Variants in PXK observed in about 807,000 individuals in gnomAD.
PXK encodes the protein PX domain-containing protein kinase-like protein.
A neutral mutation model predicts 84.7 loss-of-function variants in PXK; 35 were observed. The observed-to-expected ratio is 0.41, with a 90% CI of 0.32 to 0.55. The LOEUF (loss-of-function observed/expected upper bound fraction) is 0.55. Among genes scored for constraint, PXK ranks in the 20% least tolerant of loss-of-function variants. The probability of loss-of-function intolerance (pLI) is 0.21; values close to 1 mark genes in which losing one functional copy is unlikely to be tolerated. For missense variants in PXK, 634 were observed against 699.7 expected, an observed-to-expected ratio of 0.91 and a Z score of 1.06; for synonymous variants, 253 against 260.8, an observed-to-expected ratio of 0.97 and a Z score of 0.29.
chr3:58,356,556 A>G (rs1236137237), intron 1 of PXK, among the ~76,000 whole-genome samples: 1 of 151,626 alleles, frequency 6.6e-6, no homozygotes, highest in Non-Finnish European at 1.5e-5. Flanking sequence ...TCTTCTCTTT[A>G]CTTTAATAAG....
intron 4 of PXK, among the ~76,000 whole-genome samples, chr3:58,387,814 GGA>G (rs1410599909): frequency 1.3e-5 from 2 of 151,988 alleles, no homozygotes; most frequent in South Asian, 2.1e-4. Flanking sequence ...AAGGAGAGAG[GGA>G]GAGAGTCCTG....
intron 3 of PXK, among the ~76,000 whole-genome samples, chr3:58,380,786 C>T (rs954144042): frequency 3.3e-5 from 5 of 151,498 alleles, no homozygotes; most frequent in Non-Finnish European, 7.4e-5. Flanking sequence ...GAGACTCTGT[C>T]TCAAAGTAAG....
At chr3:58,406,555 GCCTGA>G (rs1164833777) in intron 13 of PXK, among the ~76,000 whole-genome samples, 5 of 152,128 alleles carry the variant, frequency 3.3e-5, no homozygotes, top group African/African-American at 1.2e-4. Context: ...GAGCCACTGT[GCCTGA>G]CCTAATTTTT....
chr3:58,362,358 TTTTG>T (rs1393121866), intron 1 of PXK, among the ~76,000 whole-genome samples: 1 of 152,226 alleles, frequency 6.6e-6, no homozygotes, highest in Non-Finnish European at 1.5e-5. Flanking sequence ...ACATAATTCA[TTTTG>T]GTAGTACAAT....
rs556734269 is a variant in PXK, at chr3:58,425,223, T to C, written c.*263T>C. On this transcript the variant is annotated 3_prime_UTR_variant, in exon 18 of 18. Coordinates refer to ENST00000356151, the MANE Select transcript of PXK (RefSeq NM_017771.5). The stretch of plus-strand genomic sequence containing the variant: ...TGTTTATCCTCTAATGGCCAGGCTT[T>C]TGGGACAGCAGCATATTGAAATATT... The C allele has an allele frequency of 3.5e-5, 15 of 424,206 alleles. No homozygotes were observed. Among genetic ancestry groups the C allele is most frequent in the African/African-American group, 2.8e-4 (14 of 49,868 alleles). The allele number at this position is 424,206 out of a possible 1,614,324, so 26.3% of individuals were successfully genotyped here.
intron 1 of PXK, among the ~76,000 whole-genome samples, chr3:58,353,688 G>A (rs977573651): frequency 7.9e-5 from 12 of 152,200 alleles, no homozygotes; most frequent in African/African-American, 2.4e-4. Flanking sequence ...TGTCCTCTAG[G>A]ATGATGTGGA....
At chr3:58,413,894 C>T (rs966858405) in intron 17 of PXK, 2 of 152,184 alleles carry the variant, frequency 1.3e-5, no homozygotes, top group Admixed American at 6.5e-5. Context: ...TTCTTCAGCT[C>T]CACTCAAATG....
chr3:58,369,841 AC>A (rs71625617), intron 3 of PXK, among the ~76,000 whole-genome samples: 9,471 of 145,942 alleles, frequency 0.065, 383 homozygotes, highest in South Asian at 0.087. Flanking sequence ...AAAAAAAAAA[AC>A]AAAACTGGTT....
chr3:58,392,818 C>T (rs565916328), intron 7 of PXK, among the ~76,000 whole-genome samples: 2 of 152,000 alleles, frequency 1.3e-5, no homozygotes, highest in African/African-American at 4.8e-5. Flanking sequence ...CATGCCACCA[C>T]ACCCAGCTAA....
rs779182983 is a variant in PXK, at chr3:58,333,552, G to C, written c.102+462G>C. On this transcript the variant is annotated intron_variant, in intron 1 of 17. Transcript: ENST00000356151. The surrounding 1 kb of genome is among the most constrained non-coding windows in gnomAD (Gnocchi z 5.4). Reference sequence around the variant, plus strand: ...GGGATGAGGGTGTGCCGGGCCAAATGAAGTGTGACTCCAGAGCCTACTTGT... The same window carrying C: ...GGGATGAGGGTGTGCCGGGCCAAATCAAGTGTGACTCCAGAGCCTACTTGT... 4.4e-6 allele frequency: 2 copies of C among 456,756 alleles called. 1 individual carries two copies. The highest frequency in any genetic ancestry group is 3.1e-5 in the South Asian group (2 of 64,574). 28.3% of individuals were successfully genotyped at this position (456,756 alleles called of 1,614,324 possible).
intron 3 of PXK, 23 bp from the exon 4 acceptor site, chr3:58,382,491 A>C: frequency 1.3e-6 from 1 of 786,200 alleles, no homozygotes; most frequent in East Asian, 2.9e-5. Context: ...CATGAGTGTA[A>C]CTTTTTTTTT....
At position 58,401,038 on chromosome 3, in the gene PXK, T is replaced by C. The variant is rs777476905; in HGVS notation, c.1181+1661T>C. On this transcript the variant is annotated intron_variant, in intron 12 of 17. Transcript: ENST00000356151. The surrounding 1 kb of genome is among the most constrained non-coding windows in gnomAD (Gnocchi z 4.4). ...ATAGCCTATATACAGGTTGATTTAC[T>C]TGAGTTTGCATTTACACTCCCCATT... is the stretch of plus-strand genomic sequence containing the variant. Among the ~76,000 whole-genome samples, 2 of 152,278 alleles carry C rather than the reference T, an allele frequency of 1.3e-5. No homozygotes were observed. The highest frequency in any genetic ancestry group is 2.9e-5 in the Non-Finnish European group (2 of 68,050).
In PXK at chr3:58,385,737, G is replaced by T. The variant is rs541272220; in HGVS notation, c.388+3037G>T. 6.6e-6 allele frequency among the ~76,000 whole-genome samples: 1 copy of T among 152,270 alleles called. No homozygotes were observed. The highest frequency in any genetic ancestry group is 2.1e-4 in the South Asian group (1 of 4,828). ...TGGTCTCAAACTCTTGAGCTCAAATGATCTGCCCACCTCAGCCTCCCAAAG... is the reference window on the plus strand; with the variant it reads ...TGGTCTCAAACTCTTGAGCTCAAATTATCTGCCCACCTCAGCCTCCCAAAG... On this transcript the variant is annotated intron_variant, in intron 4 of 17. Coordinates refer to ENST00000356151, the MANE Select transcript of PXK (RefSeq NM_017771.5). This position sits in a 1 kb window ranked among gnomAD's most constrained non-coding sequence, Gnocchi z 5.1.
chr3:58,351,395 T>TTGTGTG (rs57349140), intron 1 of PXK, among the ~76,000 whole-genome samples: 9,888 of 140,510 alleles, frequency 0.07, 521 homozygotes, highest in East Asian at 0.24. Context: ...AGCTAGCTAT[T>TTGTGTG]TGTGTGTGTG....
chr3:58,369,432 T>C lies in PXK; in HGVS notation c.155T>C (p.Ile52Thr), dbSNP rs1435201686. ...AACACTACTTCTTGTCTCTTACAGA[T>C]TGTTAGAAGATACAGTGACTTTGAT... ...RGISVENSWQ[I>T]VRRYSDFDLL... Residue 52 changes from isoleucine (I) to threonine (T), a missense_variant and splice_region_variant, in exon 3 of 18, where the codon ATT becomes ACT. Physicochemically the swap from Ile to Thr is moderately conservative, Grantham distance 89. Coordinates refer to ENST00000356151, the MANE Select transcript of PXK (RefSeq NM_017771.5). The C allele has an allele frequency of 1.9e-6, 3 of 1,607,018 alleles. No individual in the cohort carries two copies. Among genetic ancestry groups the C allele is most frequent in the Non-Finnish European group, 2.6e-6 (3 of 1,173,724 alleles).
chr3:58,353,930 A>G (rs1303591368), intron 1 of PXK, among the ~76,000 whole-genome samples: 1 of 152,198 alleles, frequency 6.6e-6, no homozygotes, highest in Non-Finnish European at 1.5e-5. Context: ...GAGCCATGGA[A>G]GGTCCTGGAG....
At chr3:58,410,704 T>G (rs2060073259) in intron 16 of PXK, among the ~76,000 whole-genome samples, 3 of 152,252 alleles carry the variant, frequency 2.0e-5, no homozygotes, top group Non-Finnish European at 4.4e-5. Context: ...TGGGCCATAA[T>G]GTCCCATCTT....
At chr3:58,340,156 C>T (rs551143715) in intron 1 of PXK, among the ~76,000 whole-genome samples, 4 of 148,950 alleles carry the variant, frequency 2.7e-5, no homozygotes, top group East Asian at 2.0e-4. Context: ...GGTCTCACTC[C>T]GTCAGCCAGG....
chr3:58,338,351 G>A (rs867776770), intron 1 of PXK, among the ~76,000 whole-genome samples: 1 of 151,588 alleles, frequency 6.6e-6, no homozygotes, highest in Non-Finnish European at 1.5e-5. Context: ...GGCCAGGCGC[G>A]GTGGCTCATG....
Sources: allele counts gnomAD v4.1 joint callset (sites outside exome capture counted in the v4.1 genomes callset), GRCh38; gene constraint gnomAD v4.1.1; non-coding constraint Gnocchi (gnomAD v3.1); transcripts MANE v1.5; gene names NCBI Gene and HGNC (gene_info 2026-07-23, HGNC 2026-07-21).